NFIB: variants seen among roughly 807,000 people sequenced by gnomAD.
The protein encoded by NFIB is nuclear factor 1 B-type.
In NFIB, 11 loss-of-function variants were observed where a neutral mutation model predicts 61.5. The observed-to-expected ratio is 0.18, with a 90% CI of 0.11 to 0.30. NFIB has a LOEUF of 0.30. NFIB is among the 10% of genes least tolerant of loss of function. NFIB has a pLI of 1.00. For missense variants in NFIB, 471 were observed against 608.9 expected (o/e 0.77, Z 2.38); for synonymous variants, 260 against 216.5 (o/e 1.20, Z -1.76).
At chr9:14,088,417 G>T in intron 10 of NFIB, 91 bp from the exon 11 acceptor site, 2 of 1,272,150 alleles carry the variant, frequency 1.6e-6, no homozygotes, top group Non-Finnish European at 2.0e-6. Flanking sequence ...ATAAATTCCA[G>T]ATGCATCAAA....
chr9:14,342,104 C>T (rs1422198830), intron 1 of NFIB, among the ~76,000 whole-genome samples: 5 of 152,102 alleles, frequency 3.3e-5, no homozygotes, highest in African/African-American at 1.2e-4. Context: ...TAATATGTCC[C>T]CGAGAGCAAA....
intron 1 of NFIB, among the ~76,000 whole-genome samples, chr9:14,371,699 C>G (rs1448493290): frequency 6.6e-6 from 1 of 152,202 alleles, no homozygotes; most frequent in Non-Finnish European, 1.5e-5. Context: ...GATCTGGCCA[C>G]AGGAGTGGCC....
intron 1 of NFIB, among the ~76,000 whole-genome samples, chr9:14,322,783 G>T (rs2060694340): frequency 6.6e-6 from 1 of 151,706 alleles, no homozygotes; most frequent in Admixed American, 6.6e-5. Flanking sequence ...CCTCTCGAGC[G>T]TGGGTGGGTG....
the NFIB span, among the ~76,000 whole-genome samples, chr9:14,469,133 C>T: frequency 2.0e-5 from 3 of 152,154 alleles, no homozygotes; most frequent in African/African-American, 7.2e-5. Context: ...TTTTTTGATG[C>T]CCACTTCTTT....
chr9:14,137,663 A>T (rs2041218233), intron 6 of NFIB, among the ~76,000 whole-genome samples: 1 of 152,206 alleles, frequency 6.6e-6, no homozygotes. Flanking sequence ...ACAGTGCACT[A>T]GGCTTAAGGC....
the NFIB span, among the ~76,000 whole-genome samples, chr9:14,453,276 G>T: frequency 8.6e-4 from 131 of 152,308 alleles, no homozygotes; most frequent in Non-Finnish European, 1.5e-3. Context: ...CTCATTCTGT[G>T]TTTAACTTTG....
chr9:14,231,120 G>GAAAAAA (rs1188458970), intron 2 of NFIB, among the ~76,000 whole-genome samples: 1 of 65,808 alleles, frequency 1.5e-5, no homozygotes, highest in African/African-American at 5.8e-5. Flanking sequence ...TTTCCATGGG[G>GAAAAAA]AAAAAAAAAA....
At chr9:14,507,934 G>A in the NFIB span, among the ~76,000 whole-genome samples, 1 of 148,848 alleles carries the variant, frequency 6.7e-6, no homozygotes, top group African/African-American at 2.5e-5. Flanking sequence ...ATCCAAAGAG[G>A]CATAAACACA....
intron 2 of NFIB, among the ~76,000 whole-genome samples, chr9:14,229,790 C>T (rs1159310658): frequency 6.6e-6 from 1 of 152,130 alleles, no homozygotes; most frequent in African/African-American, 2.4e-5. Flanking sequence ...ATATCCCCTC[C>T]CAACCTGACT....
chr9:14,393,656 G>A (rs2061650674), intron 1 of NFIB, among the ~76,000 whole-genome samples: 1 of 152,142 alleles, frequency 6.6e-6, no homozygotes, highest in African/African-American at 2.4e-5. Context: ...ACTAACTCAA[G>A]CACTCAAATG....
At chr9:14,243,245 A>C (rs1275022198) in intron 2 of NFIB, among the ~76,000 whole-genome samples, 1 of 152,206 alleles carries the variant, frequency 6.6e-6, no homozygotes, top group Non-Finnish European at 1.5e-5. Flanking sequence ...TTATTGTTTT[A>C]CTTCTAGCAT....
the NFIB span, among the ~76,000 whole-genome samples, chr9:14,458,043 A>G: frequency 9.8e-5 from 15 of 152,352 alleles, no homozygotes; most frequent in Middle Eastern, 3.4e-3. Context: ...CTGATACCAA[A>G]GCCTGACAGA....
chr9:14,344,106 G>A (rs896498258), intron 1 of NFIB, among the ~76,000 whole-genome samples: 1 of 131,148 alleles, frequency 7.6e-6, no homozygotes, highest in Non-Finnish European at 1.5e-5. Context: ...GAGAGAGAGA[G>A]AAAGAGAGAG....
At chr9:14,192,900 T>C (rs2048106355) in intron 2 of NFIB, among the ~76,000 whole-genome samples, 1 of 152,148 alleles carries the variant, frequency 6.6e-6, no homozygotes, top group South Asian at 2.1e-4. Context: ...ATTTGTTTTT[T>C]TGAATTTGGC....
At chr9:14,240,115 T>C (rs1278393812) in intron 2 of NFIB, among the ~76,000 whole-genome samples, 1 of 152,190 alleles carries the variant, frequency 6.6e-6, no homozygotes, top group Non-Finnish European at 1.5e-5. Flanking sequence ...CAAAATTTCA[T>C]TAAATATATA....
At chr9:14,245,449 G>A (rs377389240) in intron 2 of NFIB, among the ~76,000 whole-genome samples, 1 of 150,602 alleles carries the variant, frequency 6.6e-6, no homozygotes, top group East Asian at 1.9e-4. Context: ...AACCAGGACA[G>A]AACAAAACAA....
Position 14,146,712 on chromosome 9 carries a change from C to A in NFIB, c.902G>T (p.Arg301Leu). ...PSPSSPAAGS[R>L]TWHERDQDMS... ...ACCTTGATCTCTTTCGTGCCATGTTCGACTTCCAGCAGCTGGTGAACTTGG... is the reference window on the plus strand; with the variant it reads ...ACCTTGATCTCTTTCGTGCCATGTTAGACTTCCAGCAGCTGGTGAACTTGG... The change falls in exon 6 of 11, where the codon CGA becomes CTA. Residue 301 changes from arginine (R) to leucine (L), a missense_variant. Arg to Leu is a moderately radical substitution (Grantham distance 102, BLOSUM62 -2). Coordinates refer to ENST00000380953, the MANE Select transcript of NFIB (RefSeq NM_001190737.2). 6.2e-7 allele frequency: 1 copy of A among 1,612,674 alleles called. No individual in the cohort carries two copies. Among genetic ancestry groups the A allele is most frequent in the Non-Finnish European group, 8.5e-7 (1 of 1,179,440 alleles).
chr9:14,299,288 A>T (rs1413221673), intron 2 of NFIB, among the ~76,000 whole-genome samples: 5 of 152,102 alleles, frequency 3.3e-5, no homozygotes, highest in African/African-American at 1.2e-4. Flanking sequence ...TCAGGTTTTT[A>T]AAAAAACAGT....
chr9:14,237,841 CAGTGTGTGTGTGTGTGTGTGTG>C lies in NFIB; in HGVS notation c.563-58083_563-58062del, dbSNP rs1344157883. 1.9e-4 allele frequency among the ~76,000 whole-genome samples: 5 copies of C among 26,000 alleles called. No individual in the cohort carries two copies. In the East Asian group the frequency reaches 5.1e-3, roughly 27 times the overall value. The allele number at this position is 26,000 out of a possible 152,430, so 17.1% of individuals were successfully genotyped here. On this transcript the variant is annotated intron_variant, in intron 2 of 10. Transcript: ENST00000380953. Reference sequence around the variant, plus strand: ...AAGCTCCTCACCCTGCTAGGTATAACAGTGTGTGTGTGTGTGTGTGTGTGTGTGTGTGTGTGTGTGTGTGTGT... The same window carrying C: ...AAGCTCCTCACCCTGCTAGGTATAACTGTGTGTGTGTGTGTGTGTGTGTGT...
Sources: allele counts gnomAD v4.1 joint callset (sites outside exome capture counted in the v4.1 genomes callset), GRCh38; gene constraint gnomAD v4.1.1; transcripts MANE v1.5; gene names NCBI Gene and HGNC (gene_info 2026-07-23, HGNC 2026-07-21).